Variants in SPINK1 observed in about 807,000 individuals in gnomAD.
The protein encoded by SPINK1 is serine peptidase inhibitor Kazal type 1.
A neutral mutation model predicts 9.5 loss-of-function variants in SPINK1; 5 were observed. The observed-to-expected ratio is 0.52, with a 90% CI of 0.27 to 1.10. The LOEUF (loss-of-function observed/expected upper bound fraction) is 1.10. SPINK1 is among the 50% of genes least tolerant of loss of function. The probability of loss-of-function intolerance (pLI) is 0.11; values close to 1 mark genes in which losing one functional copy is unlikely to be tolerated. For missense variants in SPINK1, 88 were observed against 92.7 expected, an observed-to-expected ratio of 0.95 and a Z score of 0.21; for synonymous variants, 37 against 32.3, an observed-to-expected ratio of 1.14 and a Z score of -0.49.
At chr5:147,831,477 A>G in intron 1 of SPINK1, 46 bp downstream of exon 1, 1 of 1,610,244 alleles carries the variant, frequency 6.2e-7, no homozygotes, top group Non-Finnish European at 8.5e-7. Context: ...ACAAAGCAAC[A>G]GGTCAAAACA....
chr5:147,836,800 C>G, the SPINK1 span, among the ~76,000 whole-genome samples: 10 of 152,324 alleles, frequency 6.6e-5, no homozygotes, highest in African/African-American at 2.4e-4. Context: ...CTTTTCTACT[C>G]TCTCCAGCCA....
intron 2 of SPINK1, 55 bp downstream of exon 2, chr5:147,829,544 T>G: frequency 6.4e-7 from 1 of 1,561,046 alleles, no homozygotes; most frequent in South Asian, 1.1e-5. Context: ...GCTGCATTTT[T>G]GTTGGATCAA....
chr5:147,828,839 C>A (rs1180656227), intron 2 of SPINK1, among the ~76,000 whole-genome samples: 1 of 152,088 alleles, frequency 6.6e-6, no homozygotes, highest in Non-Finnish European at 1.5e-5. Flanking sequence ...TGAGCTTTAG[C>A]TCTTAAGTAC....
At chr5:147,827,964 A>C in intron 3 of SPINK1, 58 bp downstream of exon 3, 1 of 1,315,680 alleles carries the variant, frequency 7.6e-7, no homozygotes, top group Non-Finnish European at 1.1e-6. Flanking sequence ...TTATCAGTAC[A>C]CTTGAAGATA....
At chr5:147,833,295 G>C (rs1756540748), upstream of SPINK1, among the ~76,000 whole-genome samples, 1 of 152,138 alleles carries the variant, frequency 6.6e-6, no homozygotes, top group South Asian at 2.1e-4. Context: ...TCTAAATCTA[G>C]TGCAGTCTAG....
intron 1 of SPINK1, 38 bp from the exon 2 acceptor site, chr5:147,829,668 T>A (rs757261943): frequency 4.4e-6 from 7 of 1,588,186 alleles, no homozygotes; most frequent in Non-Finnish European, 6.0e-6. Context: ...GGGTCCTAAA[T>A]GAAAGAAGTC....
chr5:147,837,224 ATTC>A, the SPINK1 span, among the ~76,000 whole-genome samples: 1 of 152,250 alleles, frequency 6.6e-6, no homozygotes, highest in African/African-American at 2.4e-5. Context: ...TACACCAATA[ATTC>A]TTCTGCAAAA....
At chr5:147,830,353 A>T (rs1198988863) in intron 1 of SPINK1, among the ~76,000 whole-genome samples, 1 of 152,220 alleles carries the variant, frequency 6.6e-6, no homozygotes, top group Non-Finnish European at 1.5e-5. Context: ...ATAACTGTGG[A>T]TAAGTTCATG....
rs1157431485 is a variant in SPINK1, at chr5:147,824,639, T to C, written c.*22A>G. On this transcript the variant is annotated 3_prime_UTR_variant, in exon 4 of 4. Transcript: ENST00000296695. ...CCAGTCAGGCCTCGCGGTGACCTGA[T>C]GGGATTTCAAAACCTTGGTTCTCAG... 1.2e-6 allele frequency: 2 copies of C among 1,613,306 alleles called. No homozygotes were observed. The highest frequency in any genetic ancestry group is 3.3e-5 in the Admixed American group (2 of 59,976).
At chr5:147,824,977 G>C (rs1277109888) in intron 3 of SPINK1, among the ~76,000 whole-genome samples, 5 of 152,144 alleles carry the variant, frequency 3.3e-5, no homozygotes, top group Non-Finnish European at 5.9e-5. Context: ...GGGTGTTACA[G>C]TGAACCCCTG....
At chr5:147,827,946 G>A (rs752935393) in intron 3 of SPINK1, 76 bp downstream of exon 3, 152 of 1,135,318 alleles carry the variant, frequency 1.3e-4, no homozygotes, top group Non-Finnish European at 1.8e-4. Context: ...CTCGGGGTGA[G>A]ATTCATATTA....
At chr5:147,825,027 A>G (rs930261731) in intron 3 of SPINK1, among the ~76,000 whole-genome samples, 1 of 152,168 alleles carries the variant, frequency 6.6e-6, no homozygotes, top group African/African-American at 2.4e-5. Flanking sequence ...TTTGCTCCTG[A>G]TGCCTCTGCC....
upstream of SPINK1, among the ~76,000 whole-genome samples, chr5:147,833,235 C>G (rs1756539219): frequency 6.6e-6 from 1 of 152,028 alleles, no homozygotes; most frequent in African/African-American, 2.4e-5. Context: ...CTGGCTTGAG[C>G]AAAGTGATAG....
upstream of SPINK1, among the ~76,000 whole-genome samples, chr5:147,835,997 G>A (rs935426464): frequency 1.3e-5 from 2 of 152,034 alleles, no homozygotes; most frequent in African/African-American, 4.8e-5. Context: ...TGGGTAAAAT[G>A]TCTGTGGTGC....
At chr5:147,827,611 G>A (rs923777476) in intron 3 of SPINK1, 5 of 175,662 alleles carry the variant, frequency 2.8e-5, no homozygotes, top group African/African-American at 1.2e-4. Context: ...ACCTACTTAT[G>A]GTCACTGAGG....
At chr5:147,836,663 A>G (rs995895887), upstream of SPINK1, among the ~76,000 whole-genome samples, 6 of 151,354 alleles carry the variant, frequency 4.0e-5, no homozygotes, top group South Asian at 4.1e-4. Context: ...TGCATCACAC[A>G]CTAGGCAACA....
In SPINK1 at chr5:147,829,492, T is replaced by C. The variant is rs1340408309; in HGVS notation, c.87+107A>G. 1.5e-5 allele frequency: 16 copies of C among 1,054,978 alleles called. No individual in the cohort carries two copies. The Middle Eastern group carries it at 9.9e-4, about 65-fold the overall frequency. 65.4% of individuals were successfully genotyped at this position (1,054,978 alleles called of 1,614,324 possible). Reference sequence around the variant, plus strand: ...TCACGTTAACCCTCCCTAGCATTCATACTCCTCTTAACTTCAGGCTAAACT... The same window carrying C: ...TCACGTTAACCCTCCCTAGCATTCACACTCCTCTTAACTTCAGGCTAAACT... On this transcript the variant is annotated intron_variant, in intron 2 of 3. Transcript: ENST00000296695.
chr5:147,831,084 A>C (rs1756499901), intron 1 of SPINK1, among the ~76,000 whole-genome samples: 1 of 152,220 alleles, frequency 6.6e-6, no homozygotes, highest in Non-Finnish European at 1.5e-5. Flanking sequence ...AAACCTATAC[A>C]ATAAAAAAAT....
intron 3 of SPINK1, chr5:147,827,759 A>C (rs1287604583): frequency 6.7e-6 from 2 of 299,294 alleles, no homozygotes; most frequent in East Asian, 1.3e-4. Context: ...AATTTTTTTA[A>C]TTAAAGGTAT....
Sources: allele counts gnomAD v4.1 joint callset (sites outside exome capture counted in the v4.1 genomes callset), GRCh38; gene constraint gnomAD v4.1.1; transcripts MANE v1.5; gene names NCBI Gene and HGNC (gene_info 2026-07-23, HGNC 2026-07-21).